Variants in MAP7 observed in about 807,000 individuals in gnomAD.
MAP7 encodes microtubule associated protein 7.
MAP7 carries 52 observed loss-of-function variants against 94.8 expected under a neutral mutation model. That is an observed-to-expected ratio of 0.55 (90% CI 0.44 to 0.69). The LOEUF (loss-of-function observed/expected upper bound fraction) is 0.69. MAP7 is among the 30% of genes least tolerant of loss of function. MAP7 has a pLI of 0.00. For missense variants in MAP7, 940 were observed against 964.6 expected (o/e 0.97, Z 0.34); for synonymous variants, 350 against 357.0 (o/e 0.98, Z 0.22).
At chr6:136,533,834 T>C (rs1053883748) in intron 1 of MAP7, among the ~76,000 whole-genome samples, 2 of 152,166 alleles carry the variant, frequency 1.3e-5, no homozygotes, top group Non-Finnish European at 2.9e-5. Flanking sequence ...TCGGCTCCCA[T>C]GGCCCAGACA....
chr6:136,452,454 AG>A (rs1253858772), intron 1 of MAP7, among the ~76,000 whole-genome samples: 1 of 152,244 alleles, frequency 6.6e-6, no homozygotes, highest in East Asian at 1.9e-4. Flanking sequence ...GAGAAATGAA[AG>A]GAAGAGTCTA....
intron 1 of MAP7, among the ~76,000 whole-genome samples, chr6:136,495,064 A>C (rs554425304): frequency 6.6e-6 from 1 of 152,190 alleles, no homozygotes; most frequent in Non-Finnish European, 1.5e-5. Context: ...CAGAAGCTCT[A>C]CTTGGCCTCT....
At chr6:136,459,645 T>C (rs1804529398) in intron 1 of MAP7, among the ~76,000 whole-genome samples, 1 of 152,090 alleles carries the variant, frequency 6.6e-6, no homozygotes, top group African/African-American at 2.4e-5. Context: ...AATAAGCCAA[T>C]CACAGAAGGA....
At chr6:136,434,261 C>T (rs577188572) in intron 1 of MAP7, among the ~76,000 whole-genome samples, 29 of 148,472 alleles carry the variant, frequency 2.0e-4, no homozygotes, top group Non-Finnish European at 2.8e-4. Flanking sequence ...GAGACAAGAT[C>T]GCACCACTGC....
chr6:136,377,953 A>G, intron 6 of MAP7, 85 bp from the exon 7 acceptor site: 1 of 948,706 alleles, frequency 1.1e-6, no homozygotes, highest in Non-Finnish European at 1.6e-6. Context: ...TTGCTTCCAT[A>G]CGCTGGGCCT....
intron 3 of MAP7, among the ~76,000 whole-genome samples, chr6:136,392,169 C>G (rs561151893): frequency 6.6e-6 from 1 of 152,236 alleles, no homozygotes; most frequent in Non-Finnish European, 1.5e-5. Context: ...CTTTGACCTC[C>G]CAGGCTCAGG....
In MAP7 at chr6:136,346,056, G is replaced by C; in HGVS notation, c.2039C>G (p.Pro680Arg). The C allele has an allele frequency of 6.2e-7, 1 of 1,611,582 alleles. No individual in the cohort carries two copies. Among genetic ancestry groups the C allele is most frequent in the Non-Finnish European group, 8.5e-7 (1 of 1,178,616 alleles). The change falls in exon 17 of 18, where the codon CCA becomes CGA. Residue 680 changes from proline (P) to arginine (R), a missense_variant. Pro to Arg is a moderately radical substitution (Grantham distance 103). Coordinates refer to ENST00000354570, the MANE Select transcript of MAP7 (RefSeq NM_003980.6). ...CTGAACAGATACACCATTTTCATTT[G>C]GTTGTTTTTCCAAATCGGGAGTGCT... ...VESTPDLEKQ[P>R]NENGVSVQNE...
intron 3 of MAP7, among the ~76,000 whole-genome samples, chr6:136,402,226 G>C (rs1224224801): frequency 2.0e-5 from 3 of 152,204 alleles, no homozygotes; most frequent in African/African-American, 7.2e-5. Flanking sequence ...ACTCCAGACG[G>C]TAGCTACTCT....
chr6:136,424,847 A>C (rs1582875601), intron 1 of MAP7, among the ~76,000 whole-genome samples: 2 of 152,242 alleles, frequency 1.3e-5, no homozygotes, highest in East Asian at 3.8e-4. Context: ...ACTGAATAAT[A>C]TGGGGACTTG....
At chr6:136,544,142 G>A (rs889464436) in intron 1 of MAP7, among the ~76,000 whole-genome samples, 4 of 152,112 alleles carry the variant, frequency 2.6e-5, no homozygotes, top group African/African-American at 7.2e-5. Context: ...GGCTGGTCTC[G>A]AACTCCTGAG....
intron 1 of MAP7, among the ~76,000 whole-genome samples, chr6:136,537,893 T>C (rs1829011929): frequency 6.6e-6 from 1 of 152,120 alleles, no homozygotes; most frequent in South Asian, 2.1e-4. Context: ...GCGATTCTCC[T>C]GCCTCAGCAT....
intron 1 of MAP7, among the ~76,000 whole-genome samples, chr6:136,447,525 G>A: frequency 6.6e-6 from 1 of 152,072 alleles, no homozygotes; most frequent in East Asian, 1.9e-4. Flanking sequence ...TTAGAACAAT[G>A]GAGAGTATCA....
rs143619315 is a variant in MAP7 at position 136,544,124 on chromosome 6, G to T, written c.67+6218C>A. On this transcript the variant is annotated intron_variant, in intron 1 of 17. Transcript: ENST00000354570. The stretch of plus-strand genomic sequence containing the variant: ...TTCAGTAGAGATGGGGCTTTGCCAT[G>T]TTGCCCAGGCTGGTCTCGAACTCCT... Among the ~76,000 whole-genome samples, 476 of 152,270 alleles carry T rather than the reference G, an allele frequency of 3.1e-3. 10 individuals carry two copies. Among genetic ancestry groups the T allele is most frequent in the Non-Finnish European group, 3.5e-4 (24 of 68,006 alleles).
chr6:136,389,593 T>C (rs1356078841), intron 3 of MAP7, 76 bp from the exon 4 acceptor site: 4 of 1,369,362 alleles, frequency 2.9e-6, no homozygotes, highest in Non-Finnish European at 4.1e-6. Context: ...TAGTTAGGGC[T>C]GTATTAAGTG....
chr6:136,492,612 G>T (rs1023552899), intron 1 of MAP7, among the ~76,000 whole-genome samples: 1 of 152,174 alleles, frequency 6.6e-6, no homozygotes, highest in Non-Finnish European at 1.5e-5. Context: ...TTGCTGAGCT[G>T]CATCAGTAGG....
chr6:136,422,303 G>C (rs2076194), intron 1 of MAP7, among the ~76,000 whole-genome samples: 10 of 151,970 alleles, frequency 6.6e-5, no homozygotes, highest in Non-Finnish European at 1.3e-4. Context: ...CATGGAAATC[G>C]AAAAGACTTC....
At chr6:136,417,535 T>G (rs1220149016) in intron 2 of MAP7, among the ~76,000 whole-genome samples, 2 of 152,238 alleles carry the variant, frequency 1.3e-5, no homozygotes, top group African/African-American at 4.8e-5. Context: ...AATTTGTACT[T>G]TATGAAGCAC....
intron 15 of MAP7, among the ~76,000 whole-genome samples, chr6:136,358,329 A>G (rs985169146): frequency 6.6e-6 from 1 of 152,186 alleles, no homozygotes; most frequent in African/African-American, 2.4e-5. Flanking sequence ...AGCTGGTGCA[A>G]TTTACAGCTT....
intron 3 of MAP7, 71 bp downstream of exon 3, chr6:136,411,549 G>A (rs1004579760): frequency 1.6e-6 from 2 of 1,270,968 alleles, no homozygotes; most frequent in African/African-American, 3.0e-5. Context: ...ATTCATAAAG[G>A]TATGCAAAAG....
Sources: gnomAD v4.1 joint callset for allele counts (sites outside exome capture counted in the v4.1 genomes callset) on GRCh38, gnomAD v4.1.1 for gene constraint, MANE v1.5 for transcripts, NCBI Gene and HGNC (gene_info 2026-07-23, HGNC 2026-07-21) for gene names.